Variants in TYW1 observed in about 807,000 individuals in gnomAD.
TYW1 encodes the protein tRNA-yW synthesizing protein 1 homolog.
In TYW1, 46 loss-of-function variants were observed where a neutral mutation model predicts 96.2. The observed-to-expected ratio is 0.48, with a 90% CI of 0.38 to 0.61. The LOEUF (loss-of-function observed/expected upper bound fraction) is 0.61, where lower values mean the gene tolerates loss of function less well. TYW1 is among the 20% of genes least tolerant of loss of function. TYW1 has a pLI of 0.00. For synonymous variants in TYW1, 274 were observed against 323.0 expected (o/e 0.85, Z 1.63); for missense variants, 684 against 909.6 (o/e 0.75, Z 3.19).
chr7:67,095,806 C>T (rs1273575283), intron 11 of TYW1, among the ~76,000 whole-genome samples: 1 of 151,946 alleles, frequency 6.6e-6, no homozygotes, highest in Non-Finnish European at 1.5e-5. Context: ...CAGGGTCTGG[C>T]GGAACAGTGT....
chr7:67,180,935 C>T (rs11770378), intron 13 of TYW1, among the ~76,000 whole-genome samples: 36,932 of 151,884 alleles, frequency 0.24, 4,596 homozygotes, highest in South Asian at 0.3. Flanking sequence ...TGAGCCACTG[C>T]GTCCGGCCCC....
chr7:67,182,017 C>T (rs191743970), intron 13 of TYW1, among the ~76,000 whole-genome samples: 2 of 151,970 alleles, frequency 1.3e-5, no homozygotes, highest in African/African-American at 2.4e-5. Flanking sequence ...TTAGTAGAGA[C>T]GGGGTTTCAC....
At chr7:67,117,999 CCAAAAT>C (rs1797647464) in intron 13 of TYW1, among the ~76,000 whole-genome samples, 1 of 152,102 alleles carries the variant, frequency 6.6e-6, no homozygotes, top group East Asian at 1.9e-4. Flanking sequence ...CCCATGGGTA[CCAAAAT>C]CCACAGATGC....
chr7:67,041,390 G>A (rs935650159), intron 7 of TYW1, among the ~76,000 whole-genome samples: 18 of 151,782 alleles, frequency 1.2e-4, no homozygotes, highest in South Asian at 6.3e-4. Context: ...GGCAGCCCCC[G>A]CCTCCCGGGT....
chr7:67,168,565 A>G (rs1799421956), intron 13 of TYW1, among the ~76,000 whole-genome samples: 1 of 152,184 alleles, frequency 6.6e-6, no homozygotes, highest in African/African-American at 2.4e-5. Flanking sequence ...AGGACTTTGT[A>G]CATTTCATTT....
chr7:67,194,388 G>T (rs1203554891), intron 14 of TYW1, among the ~76,000 whole-genome samples: 1 of 151,110 alleles, frequency 6.6e-6, no homozygotes, highest in Non-Finnish European at 1.5e-5. Context: ...ACCTTGGGAG[G>T]CTGGGGCAGG....
At position 67,150,216 on chromosome 7, in the gene TYW1, G is replaced by A. The variant is rs1159557076; in HGVS notation, c.1698+32598G>A. Among the ~76,000 whole-genome samples, 4 of 152,112 alleles carry A rather than the reference G, an allele frequency of 2.6e-5. No homozygotes were observed. The East Asian group carries it at 7.7e-4, about 29-fold the overall frequency. On this transcript the variant is annotated intron_variant, in intron 13 of 15. Coordinates refer to ENST00000359626, the MANE Select transcript of TYW1 (RefSeq NM_018264.4). Reference sequence around the variant, plus strand: ...CTGGGTGTGGTAGGACTGAGGACAGGGATTAGAGGAAAGCTAGAGACTGCC... The same window carrying A: ...CTGGGTGTGGTAGGACTGAGGACAGAGATTAGAGGAAAGCTAGAGACTGCC...
chr7:67,026,965 G>C (rs1036075760), intron 7 of TYW1, among the ~76,000 whole-genome samples: 1 of 152,108 alleles, frequency 6.6e-6, no homozygotes, highest in Admixed American at 6.6e-5. Context: ...GGAGGCTGAC[G>C]TGATGGGAGG....
intron 10 of TYW1, 39 bp downstream of exon 10, chr7:67,067,442 A>G (rs1795900553): frequency 1.9e-6 from 3 of 1,610,558 alleles, no homozygotes; most frequent in Non-Finnish European, 2.5e-6. Context: ...CGAATATGTA[A>G]TGAGCTGTGG....
At chr7:67,183,795 C>T (rs1563059926) in intron 14 of TYW1, among the ~76,000 whole-genome samples, 1 of 151,920 alleles carries the variant, frequency 6.6e-6, no homozygotes. Flanking sequence ...AAGATTTCTA[C>T]TCTTATTTTA....
intron 8 of TYW1, 125 bp downstream of exon 8, chr7:67,050,191 A>G: frequency 8.8e-7 from 1 of 1,139,984 alleles, no homozygotes; most frequent in Non-Finnish European, 1.3e-6. Flanking sequence ...AACAGTCTAA[A>G]GATTTACCTT....
At chr7:67,162,200 G>C (rs28366417) in intron 13 of TYW1, among the ~76,000 whole-genome samples, 1 of 151,210 alleles carries the variant, frequency 6.6e-6, no homozygotes, top group South Asian at 2.1e-4. Flanking sequence ...TGTAGTCCCA[G>C]CTACTCAGGA....
intron 14 of TYW1, among the ~76,000 whole-genome samples, chr7:67,188,779 C>T (rs1195134553): frequency 6.6e-6 from 1 of 152,062 alleles, no homozygotes; most frequent in Non-Finnish European, 1.5e-5. Context: ...TATAAATGCC[C>T]CCAAGATGTG....
At chr7:67,194,752 T>C (rs1800334216) in intron 14 of TYW1, among the ~76,000 whole-genome samples, 1 of 150,084 alleles carries the variant, frequency 6.7e-6, no homozygotes, top group Non-Finnish European at 1.5e-5. Flanking sequence ...ATCAATTACT[T>C]GGTCAGTGAA....
rs1797873002 is a variant in TYW1 at position 67,125,070 on chromosome 7, T to A, written c.1698+7452T>A. Among the ~76,000 whole-genome samples, 3 of 152,158 alleles carry A rather than the reference T, an allele frequency of 2.0e-5. No individual in the cohort carries two copies. In the South Asian group the frequency reaches 6.2e-4, roughly 32 times the overall value. Reference sequence around the variant, plus strand: ...CTGGTCTCGAACTCCTGACTTCAAGTGATCCACCCACCTTGCCCTCCCAAA... The same window carrying A: ...CTGGTCTCGAACTCCTGACTTCAAGAGATCCACCCACCTTGCCCTCCCAAA... On this transcript the variant is annotated intron_variant, in intron 13 of 15. Transcript: ENST00000359626.
intron 15 of TYW1, among the ~76,000 whole-genome samples, chr7:67,218,816 A>C (rs1801287399): frequency 6.6e-6 from 1 of 152,114 alleles, no homozygotes. Flanking sequence ...AATCTTTATA[A>C]TTTTCTACAT....
intron 7 of TYW1, among the ~76,000 whole-genome samples, chr7:67,040,111 C>T (rs1483490865): frequency 6.6e-6 from 1 of 152,074 alleles, no homozygotes; most frequent in Non-Finnish European, 1.5e-5. Context: ...CATGTGCCAC[C>T]ATGCCTGCCT....
At chr7:67,013,910 A>G (rs565287363) in intron 4 of TYW1, among the ~76,000 whole-genome samples, 1 of 151,358 alleles carries the variant, frequency 6.6e-6, no homozygotes, top group South Asian at 2.1e-4. Flanking sequence ...CGCCCGGCTA[A>G]TTTTTTGTAT....
intron 13 of TYW1, among the ~76,000 whole-genome samples, chr7:67,156,840 T>C (rs1465837029): frequency 6.6e-6 from 1 of 151,042 alleles, no homozygotes; most frequent in Non-Finnish European, 1.5e-5. Flanking sequence ...CTGGAACAGT[T>C]AGTCATGTGG....
Sources: gnomAD v4.1 joint callset for allele counts (sites outside exome capture counted in the v4.1 genomes callset) on GRCh38, gnomAD v4.1.1 for gene constraint, MANE v1.5 for transcripts, NCBI Gene and HGNC (gene_info 2026-07-23, HGNC 2026-07-21) for gene names.